The following TSHR variants were observed in gnomAD, a reference collection of about 807,000 sequenced individuals.
TSHR encodes the protein thyroid stimulating hormone receptor.
In TSHR, 51 loss-of-function variants were observed where a neutral mutation model predicts 64.1. The ratio of observed to expected loss-of-function variants is 0.80; its 90% confidence interval spans 0.64 to 1.01. The LOEUF is 1.01. Ranked by LOEUF, TSHR falls within the 50% of genes least tolerant of loss-of-function variation. The probability of loss-of-function intolerance (pLI) is 0.00; values close to 1 mark genes in which losing one functional copy is unlikely to be tolerated. For synonymous variants in TSHR, 361 were observed against 361.9 expected, an observed-to-expected ratio of 1.00 and a Z score of 0.03; for missense variants, 877 against 942.8, an observed-to-expected ratio of 0.93 and a Z score of 0.91.
At chr14:80,988,487 C>G (rs932425528) in intron 1 of TSHR, among the ~76,000 whole-genome samples, 1 of 152,142 alleles carries the variant, frequency 6.6e-6, no homozygotes, top group African/African-American at 2.4e-5. Context: ...ATCTAATCAC[C>G]TCCCACCAGG....
chr14:81,127,968 T>G (rs1271708947), intron 8 of TSHR, among the ~76,000 whole-genome samples: 1 of 152,234 alleles, frequency 6.6e-6, no homozygotes, highest in Non-Finnish European at 1.5e-5. Context: ...TGTGGTAGAA[T>G]GCTGACTCAC....
chr14:81,005,207 G>A (rs1889533316), intron 1 of TSHR, among the ~76,000 whole-genome samples: 1 of 4,856 alleles, frequency 2.1e-4, no homozygotes, highest in South Asian at 0.016. Flanking sequence ...TTGTGTGTGT[G>A]TGTGTGTGTG....
rs1298706810 is a variant in TSHR, at chr14:81,103,926, A to G, written c.615-4449A>G. On this transcript the variant is annotated intron_variant, in intron 7 of 9. Transcript: ENST00000298171. This position sits in a 1 kb window ranked among gnomAD's most constrained non-coding sequence, Gnocchi z 4.1. ...TGATATGCTAAGAGCCCACCAATAC[A>G]CTAATTATTATGAACAGAGTCAACA... 1.0e-6 allele frequency: 1 copy of G among 985,344 alleles called. No homozygotes were observed. Among genetic ancestry groups the G allele is most frequent in the East Asian group, 1.1e-4 (1 of 8,826 alleles). The allele number at this position is 985,344 out of a possible 1,614,324, so 61.0% of individuals were successfully genotyped here.
rs184010324 is a variant in TSHR at position 81,133,783 on chromosome 14, G to A, written c.693-5896G>A. Among the ~76,000 whole-genome samples the A allele has an allele frequency of 2.2e-3, 333 of 152,182 alleles. 2 individuals carry two copies. The highest frequency in any genetic ancestry group is 7.7e-3 in the African/African-American group (318 of 41,510). On this transcript the variant is annotated intron_variant, in intron 8 of 9. Transcript: ENST00000298171. The stretch of plus-strand genomic sequence containing the variant: ...ATCAAAACCAAGATACACAAATGGC[G>A]GGGAAATGAGCCTGGAGAAATCAAA...
chr14:80,976,363 G>C (rs781763004), intron 1 of TSHR, among the ~76,000 whole-genome samples: 1 of 152,188 alleles, frequency 6.6e-6, no homozygotes, highest in Non-Finnish European at 1.5e-5. Context: ...GGAGTAGTCT[G>C]ACCCCTGTTG....
At chr14:80,989,459 T>TA (rs1379391780) in intron 1 of TSHR, among the ~76,000 whole-genome samples, 1 of 152,182 alleles carries the variant, frequency 6.6e-6, no homozygotes, top group Non-Finnish European at 1.5e-5. Flanking sequence ...TTAATTTAGA[T>TA]AACTTAATTT....
chr14:81,090,352 C>G (rs1888626023), intron 4 of TSHR, among the ~76,000 whole-genome samples: 1 of 152,190 alleles, frequency 6.6e-6, no homozygotes, highest in South Asian at 2.1e-4. Flanking sequence ...TCAAGTGATT[C>G]TCATGCCTCA....
intron 1 of TSHR, among the ~76,000 whole-genome samples, chr14:81,041,071 T>A (rs559461979): frequency 2.0e-4 from 30 of 152,244 alleles, no homozygotes; most frequent in Admixed American, 1.1e-3. Flanking sequence ...GGTGGGGGTG[T>A]AAATTAGTTC....
intron 3 of TSHR, among the ~76,000 whole-genome samples, chr14:81,073,721 G>C (rs1235960603): frequency 6.6e-6 from 1 of 152,032 alleles, no homozygotes; most frequent in African/African-American, 2.4e-5. Context: ...ACATATATTA[G>C]AAAAGAAGGT....
At position 81,048,263 on chromosome 14, in the gene TSHR, A is replaced by G. The variant is rs866041207; in HGVS notation, c.171-13885A>G. On this transcript the variant is annotated intron_variant, in intron 1 of 9. Transcript: ENST00000298171. ...GGTCTCAGCTGAATTCAGTTTTTTC[A>G]TGGGGACTTCTCATATACAGCAGAT... 2.8e-4 allele frequency among the ~76,000 whole-genome samples: 43 copies of G among 152,206 alleles called. No individual in the cohort carries two copies. The Middle Eastern group carries it at 0.014, about 48-fold the overall frequency.
rs74453503 is a variant in TSHR, at chr14:81,077,560, G to T, written c.317+9232G>T. Among the ~76,000 whole-genome samples, 1,070 of 152,246 alleles carry T rather than the reference G, an allele frequency of 7.0e-3. 15 individuals carry two copies. The highest frequency in any genetic ancestry group is 0.024 in the African/African-American group (1,016 of 41,536). On this transcript the variant is annotated intron_variant, in intron 3 of 9. Transcript: ENST00000298171. ...ATCATTTTACAGCCAAAGCAACTGA[G>T]ATTCAATAACTACATCTTTATATTT...
intron 8 of TSHR, among the ~76,000 whole-genome samples, chr14:81,131,644 A>G (rs953507012): frequency 7.2e-5 from 11 of 152,050 alleles, no homozygotes; most frequent in Non-Finnish European, 1.5e-5. Context: ...TTGGCCTGCA[A>G]TGCTTTTGCT....
chr14:81,096,360 C>T (rs1398422341), intron 6 of TSHR, among the ~76,000 whole-genome samples: 1 of 152,106 alleles, frequency 6.6e-6, no homozygotes, highest in Non-Finnish European at 1.5e-5. Context: ...CTTTTAAAAT[C>T]TTCAATGGTA....
chr14:81,118,994 G>T, intron 8 of TSHR, among the ~76,000 whole-genome samples: 1 of 140,998 alleles, frequency 7.1e-6, no homozygotes, highest in African/African-American at 2.8e-5. Flanking sequence ...GCTGAAACTG[G>T]ATCCCTTCCT....
intron 8 of TSHR, among the ~76,000 whole-genome samples, chr14:81,120,739 G>T (rs1890756262): frequency 6.6e-6 from 1 of 151,846 alleles, no homozygotes; most frequent in South Asian, 2.1e-4. Flanking sequence ...TGAAAAACAA[G>T]GACTAAAATA....
At chr14:81,019,823 T>A (rs1038325354) in intron 1 of TSHR, among the ~76,000 whole-genome samples, 4 of 152,202 alleles carry the variant, frequency 2.6e-5, no homozygotes, top group African/African-American at 9.7e-5. Context: ...TATTCTATAG[T>A]GTATGTGCGC....
At chr14:80,967,022 G>C (rs969787805) in intron 1 of TSHR, among the ~76,000 whole-genome samples, 2 of 151,996 alleles carry the variant, frequency 1.3e-5, no homozygotes, top group African/African-American at 4.8e-5. Context: ...TCACATCAGA[G>C]ATTAGGATTT....
Position 81,139,869 on chromosome 14 carries a change from T to TA in TSHR, c.881+4dup. 6.2e-7 allele frequency: 1 copy of TA among 1,613,988 alleles called. No homozygotes were observed. Among genetic ancestry groups the TA allele is most frequent in the Non-Finnish European group, 8.5e-7 (1 of 1,180,000 alleles). On this transcript the variant is annotated splice_region_variant and intron_variant, in intron 9 of 9. Transcript: ENST00000298171. ...TAAGAATCAGAAGAAAATCAGAGGG[T>TA]AAGTGGCAGGGACCCGGCATAAGTG...
chr14:81,122,454 A>G (rs1160827263), intron 8 of TSHR, among the ~76,000 whole-genome samples: 11 of 152,280 alleles, frequency 7.2e-5, no homozygotes, highest in Middle Eastern at 3.4e-3. Flanking sequence ...TTATGAAAAA[A>G]AAAACAAACA....
Sources: allele counts gnomAD v4.1 joint callset (sites outside exome capture counted in the v4.1 genomes callset), GRCh38; gene constraint gnomAD v4.1.1; non-coding constraint Gnocchi (gnomAD v3.1); transcripts MANE v1.5; gene names NCBI Gene and HGNC (gene_info 2026-07-23, HGNC 2026-07-21).